ZNF469: variants seen among roughly 807,000 people sequenced by gnomAD.
ZNF469 encodes zinc finger protein 469.
In ZNF469, 1 loss-of-function variant was observed where a neutral mutation model predicts 1.0. The observed-to-expected ratio is 1.00, with a 90% CI of 0.35 to 4.73. ZNF469 has a LOEUF of 4.73. Among genes scored for constraint, ZNF469 ranks in the 30% most tolerant of loss-of-function variants. The probability of loss-of-function intolerance (pLI) is 0.16; values close to 1 mark genes in which losing one functional copy is unlikely to be tolerated. For synonymous variants in ZNF469, 2,703 were observed against 2,363.4 expected, an observed-to-expected ratio of 1.14 and a Z score of -4.17; for missense variants, 6,100 against 5,356.3, an observed-to-expected ratio of 1.14 and a Z score of -4.33.
At chr16:88,405,896 G>A (rs1245781758) in intron 1 of ZNF469, among the ~76,000 whole-genome samples, 6 of 152,332 alleles carry the variant, frequency 3.9e-5, no homozygotes, top group African/African-American at 1.4e-4. Flanking sequence ...GACGGTTCCT[G>A]CGTCCTCCCG....
the ZNF469 span, among the ~76,000 whole-genome samples, chr16:88,109,092 T>C: frequency 1.3e-5 from 2 of 152,204 alleles, no homozygotes; most frequent in South Asian, 4.1e-4. Flanking sequence ...CTGCCAGGGT[T>C]GTCGACGGCT....
rs547585456 is a variant in ZNF469 at position 88,431,913 on chromosome 16, G to C, written c.4443G>C (p.Pro1481=). Residue 1481 remains proline, a synonymous_variant, in exon 3 of 3, where the codon CCG becomes CCC. Coordinates refer to ENST00000565624, the MANE Select transcript of ZNF469 (RefSeq NM_001367624.2). ...SLSANRDSGL[P]FACADPPQKT... is the part of the protein sequence containing the mutation. Reference sequence around the variant, plus strand: ...CTGCGAACAGGGACTCCGGTCTGCCGTTCGCATGTGCCGACCCTCCCCAGA... The same window carrying C: ...CTGCGAACAGGGACTCCGGTCTGCCCTTCGCATGTGCCGACCCTCCCCAGA... 2 of 1,549,490 alleles carry C rather than the reference G, an allele frequency of 1.3e-6. No individual in the cohort carries two copies. The highest frequency in any genetic ancestry group is 1.4e-5 in the African/African-American group (1 of 73,024).
At chr16:88,133,578 A>G in the ZNF469 span, among the ~76,000 whole-genome samples, 1 of 152,258 alleles carries the variant, frequency 6.6e-6, no homozygotes, top group African/African-American at 2.4e-5. Context: ...AATAAGTTCA[A>G]TCATTCAAGC....
At chr16:88,224,962 G>C in the ZNF469 span, among the ~76,000 whole-genome samples, 1 of 152,216 alleles carries the variant, frequency 6.6e-6, no homozygotes, top group Non-Finnish European at 1.5e-5. Context: ...CCCATGGTGG[G>C]ATGGTGGGGC....
At chr16:88,218,315 T>G in the ZNF469 span, among the ~76,000 whole-genome samples, 2 of 150,578 alleles carry the variant, frequency 1.3e-5, no homozygotes, top group African/African-American at 4.9e-5. Context: ...TAAATTTGTT[T>G]GAGTTCATTG....
the ZNF469 span, among the ~76,000 whole-genome samples, chr16:88,140,276 C>T: frequency 6.8e-6 from 1 of 146,512 alleles, no homozygotes; most frequent in Non-Finnish European, 1.5e-5. Flanking sequence ...CGGGGAAATA[C>T]AATACGGAGG....
chr16:88,185,567 G>T, the ZNF469 span, among the ~76,000 whole-genome samples: 1 of 151,574 alleles, frequency 6.6e-6, no homozygotes, highest in East Asian at 1.9e-4. Flanking sequence ...ACACACACGT[G>T]AATATAGTAC....
the ZNF469 span, among the ~76,000 whole-genome samples, chr16:88,223,602 C>T: frequency 5.3e-5 from 8 of 152,232 alleles, no homozygotes; most frequent in East Asian, 1.2e-3. Context: ...AGGAAGGATG[C>T]GTGCTTGGGA....
upstream of ZNF469, among the ~76,000 whole-genome samples, chr16:88,380,388 C>CGGGTTTGG (rs1599339580): frequency 8.7e-6 from 1 of 115,436 alleles, no homozygotes; most frequent in African/African-American, 5.4e-5. Context: ...CACGCACTCA[C>CGGGTTTGG]AGACACGCCC....
At chr16:88,308,198 G>A in the ZNF469 span, among the ~76,000 whole-genome samples, 19 of 152,264 alleles carry the variant, frequency 1.2e-4, no homozygotes, top group Admixed American at 7.8e-4. Context: ...ATCAATCTGC[G>A]TATCTGTGTT....
chr16:88,313,679 A>G, the ZNF469 span, among the ~76,000 whole-genome samples: 1 of 149,860 alleles, frequency 6.7e-6, no homozygotes, highest in African/African-American at 2.5e-5. Flanking sequence ...TAATTAAGAC[A>G]ATGCTGGTGT....
chr16:88,350,922 G>A, the ZNF469 span, among the ~76,000 whole-genome samples: 1 of 152,262 alleles, frequency 6.6e-6, no homozygotes, highest in Non-Finnish European at 1.5e-5. Context: ...GATGTTCGTG[G>A]AAGCAGTGAG....
Position 88,430,784 on chromosome 16 carries a change from C to T in ZNF469, c.3314C>T (p.Pro1105Leu), listed in dbSNP as rs2142303784. 2 of 1,526,080 alleles carry T rather than the reference C, an allele frequency of 1.3e-6. No individual in the cohort carries two copies. Among genetic ancestry groups the T allele is most frequent in the Non-Finnish European group, 1.7e-6 (2 of 1,143,164 alleles). 94.5% of individuals were successfully genotyped at this position (1,526,080 alleles called of 1,614,324 possible). ...ASESEEDEQP[P>L]PRGPGFRGRR... ...GAGTCCGAGGAGGACGAGCAGCCTC[C>T]GCCGCGGGGCCCCGGCTTCAGAGGC... Residue 1105 changes from proline (P) to leucine (L), a missense_variant, in exon 3 of 3, where the codon CCG (proline) becomes CTG (leucine). Coordinates refer to ENST00000565624, the MANE Select transcript of ZNF469 (RefSeq NM_001367624.2).
the ZNF469 span, among the ~76,000 whole-genome samples, chr16:88,104,229 T>G: frequency 2.1e-5 from 3 of 145,394 alleles, no homozygotes; most frequent in South Asian, 2.3e-4. Context: ...GGACGTCATC[T>G]GCCTCCCAGA....
the ZNF469 span, among the ~76,000 whole-genome samples, chr16:88,147,560 C>T: frequency 1.3e-5 from 2 of 152,112 alleles, no homozygotes; most frequent in South Asian, 4.2e-4. Context: ...AGGCTGCTTT[C>T]ACTCTCAGGG....
At chr16:88,261,426 GTCA>G in the ZNF469 span, among the ~76,000 whole-genome samples, 7 of 152,170 alleles carry the variant, frequency 4.6e-5, no homozygotes, top group African/African-American at 9.7e-5. This position sits in a 1 kb window ranked among gnomAD's most constrained non-coding sequence, Gnocchi z 6.0. Flanking sequence ...TGCACAGTAG[GTCA>G]TGCCCCCCGC....
intron 2 of ZNF469, among the ~76,000 whole-genome samples, chr16:88,426,085 G>A (rs1397333367): frequency 6.6e-6 from 1 of 152,252 alleles, no homozygotes; most frequent in Non-Finnish European, 1.5e-5. Context: ...ACTCCGGGAG[G>A]GGCATGAGAC....
At chr16:88,234,427 A>G in the ZNF469 span, among the ~76,000 whole-genome samples, 113,866 of 151,842 alleles carry the variant, frequency 0.75, 44,232 homozygotes, top group Middle Eastern at 0.87. Context: ...TCAGAACGGT[A>G]CAAAGAATTA....
the ZNF469 span, among the ~76,000 whole-genome samples, chr16:88,287,933 C>T: frequency 2.6e-5 from 4 of 152,140 alleles, no homozygotes; most frequent in South Asian, 4.2e-4. Context: ...AGATTTTTGT[C>T]GGTTGGTTGT....
Sources: gnomAD v4.1 joint callset for allele counts (sites outside exome capture counted in the v4.1 genomes callset) on GRCh38, gnomAD v4.1.1 for gene constraint, Gnocchi (gnomAD v3.1) non-coding constraint, MANE v1.5 for transcripts, NCBI Gene and HGNC (gene_info 2026-07-23, HGNC 2026-07-21) for gene names.